The following PTCH2 variants were observed in gnomAD, a reference collection of about 807,000 sequenced individuals.
The protein encoded by PTCH2 is patched 2.
Under a neutral mutation model 117.9 loss-of-function variants are expected in PTCH2, and 96 were observed. That is an observed-to-expected ratio of 0.81 (90% CI 0.69 to 0.96). The LOEUF (loss-of-function observed/expected upper bound fraction) is 0.96. Ranked by LOEUF, PTCH2 falls within the 50% of genes least tolerant of loss-of-function variation. PTCH2 has a pLI of 0.00. For synonymous variants in PTCH2, 615 were observed against 660.9 expected, an observed-to-expected ratio of 0.93 and a Z score of 1.06; for missense variants, 1,379 against 1,562.5, an observed-to-expected ratio of 0.88 and a Z score of 1.98.
At chr1:44,839,527 G>A (rs1189765464) in intron 2 of PTCH2, among the ~76,000 whole-genome samples, 1 of 152,082 alleles carries the variant, frequency 6.6e-6, no homozygotes, top group Non-Finnish European at 1.5e-5. Flanking sequence ...AACTGCTGGG[G>A]TCTAGCCTAT....
At position 44,829,728 on chromosome 1, in the gene PTCH2, C is replaced by A; in HGVS notation, c.969G>T (p.Met323Ile). The change falls in exon 8 of 22, where the codon ATG (methionine) becomes ATT (isoleucine). Residue 323 changes from methionine (M) to isoleucine (I), a missense_variant. Transcript: ENST00000372192. ...AEALQSTFLL[M>I]SPRQLYEHFR... ...AATGCTCGTACAGCTGGCGGGGACT[C>A]ATCAGCAAGAAGGTGCTCTGCAGGG... is the stretch of plus-strand genomic sequence containing the variant. 1.2e-6 allele frequency: 2 copies of A among 1,614,242 alleles called. No homozygotes were observed. The highest frequency in any genetic ancestry group is 1.7e-6 in the Non-Finnish European group (2 of 1,180,050).
Position 44,829,231 on chromosome 1 carries a change from C to T in PTCH2, c.1297G>A (p.Val433Met), listed in dbSNP as rs559805545. The T allele has an allele frequency of 4.3e-6, 7 of 1,613,554 alleles. No individual in the cohort carries two copies. Among genetic ancestry groups the T allele is most frequent in the Middle Eastern group, 1.7e-4 (1 of 6,056 alleles). The change falls in exon 10 of 22, where the codon GTG (valine) becomes ATG (methionine). Residue 433 changes from valine (V) to methionine (M), a missense_variant. Val to Met is a conservative substitution (Grantham distance 21). Coordinates refer to ENST00000372192, the MANE Select transcript of PTCH2 (RefSeq NM_003738.5). The stretch of plus-strand genomic sequence containing the variant: ...AGGCCTGAGGCCACCGCCAGGGCCA[C>T]CAGCAGTACCCCGGCAAGGCCCACG... ...GSVGLAGVLL[V>M]ALAVASGLGL...
At position 44,841,928 on chromosome 1, in the gene PTCH2, C is replaced by T. The variant is rs751954698; in HGVS notation, c.184G>A (p.Gly62Arg). ...GCCAGGGCCCCAAAGGCCAACAGTC[C>T]CAGAAAGAGCACTTTGCCACAATGT... ...QRHCGKVLFL[G>R]LLAFGALALG... The change falls in exon 2 of 22, where the codon GGA becomes AGA. Residue 62 changes from glycine to arginine, a missense_variant. Gly to Arg is a moderately radical substitution (Grantham distance 125). Coordinates refer to ENST00000372192, the MANE Select transcript of PTCH2 (RefSeq NM_003738.5). The T allele has an allele frequency of 5.6e-6, 9 of 1,614,096 alleles. No individual in the cohort carries two copies. The African/African-American group carries it at 1.2e-4, about 22-fold the overall frequency.
chr1:44,825,849 T>TC (rs900761936), intron 19 of PTCH2, among the ~76,000 whole-genome samples: 7 of 149,500 alleles, frequency 4.7e-5, no homozygotes, highest in Non-Finnish European at 8.9e-5. Flanking sequence ...AAATTCTTTT[T>TC]TTTTTTTTTT....
chr1:44,821,880 A>G (rs1374965163), downstream of PTCH2: 1 of 1,365,776 alleles, frequency 7.3e-7, no homozygotes, highest in Non-Finnish European at 9.8e-7. Flanking sequence ...TCCAATAGCT[A>G]ATGTTCACTT....
At chr1:44,820,544 G>C, downstream of PTCH2, 1 of 676,916 alleles carries the variant, frequency 1.5e-6, no homozygotes, top group Non-Finnish European at 2.8e-6. Flanking sequence ...AGGGTGATAT[G>C]GGGTCACATC....
intron 2 of PTCH2, among the ~76,000 whole-genome samples, chr1:44,839,150 G>A (rs1327568251): frequency 1.3e-5 from 2 of 151,982 alleles, no homozygotes; most frequent in African/African-American, 2.4e-5. Flanking sequence ...CAAGGCGGGC[G>A]GATCACAAGG....
At chr1:44,839,356 ACT>A (rs1653831005) in intron 2 of PTCH2, among the ~76,000 whole-genome samples, 2 of 111,548 alleles carry the variant, frequency 1.8e-5, no homozygotes, top group Non-Finnish European at 3.4e-5. Context: ...AGCAAGACTT[ACT>A]CTCAAAAAAA....
Position 44,828,491 on chromosome 1 carries a change from TG to T in PTCH2, c.1590+14del, listed in dbSNP as rs765057203. The T allele has an allele frequency of 1.2e-6, 2 of 1,614,116 alleles. No individual in the cohort carries two copies. The highest frequency in any genetic ancestry group is 1.7e-6 in the Non-Finnish European group (2 of 1,180,006). On this transcript the variant is annotated intron_variant, in intron 12 of 21. Coordinates refer to ENST00000372192, the MANE Select transcript of PTCH2 (RefSeq NM_003738.5). The stretch of plus-strand genomic sequence containing the variant: ...CCCACACCCACCCTGAGCTGCCCCG[TG>T]TGAGAGGCCTCACCTGTAGGGAGAA...
At chr1:44,825,381 G>T (rs993224499) in intron 19 of PTCH2, among the ~76,000 whole-genome samples, 3 of 151,376 alleles carry the variant, frequency 2.0e-5, no homozygotes, top group African/African-American at 4.9e-5. Context: ...CAAGTGATGT[G>T]CCCACCTCGG....
rs1187821499 is a variant in PTCH2 at position 44,822,689 on chromosome 1, C to T, written c.3358-20G>A. 6.2e-7 allele frequency: 1 copy of T among 1,613,286 alleles called. No individual in the cohort carries two copies. Among genetic ancestry groups the T allele is most frequent in the South Asian group, 1.1e-5 (1 of 91,056 alleles). ...TATCACCTGTGGGGAGACACCAGCC[C>T]CAGTAAGCCCACGGGCCCCTGGGGC... On this transcript the variant is annotated intron_variant, in intron 21 of 21. Transcript: ENST00000372192.
rs1188673436 is a variant in PTCH2, at chr1:44,822,466, G to A, written c.3561C>T (p.Ala1187=). Residue 1187 remains alanine (A), a synonymous_variant, in exon 22 of 22, where the codon GCC becomes GCT. Coordinates refer to ENST00000372192, the MANE Select transcript of PTCH2 (RefSeq NM_003738.5). ...APDEPPWSPA[A]TSSGNLSSRG... The stretch of plus-strand genomic sequence containing the variant: ...TGGAACTGAGGTTGCCAGAGCTAGT[G>A]GCAGCAGGGGACCAAGGGGGCTCAT... 1.2e-6 allele frequency: 2 copies of A among 1,613,986 alleles called. No individual in the cohort carries two copies. Among genetic ancestry groups the A allele is most frequent in the Non-Finnish European group, 1.7e-6 (2 of 1,179,998 alleles).
intron 2 of PTCH2, among the ~76,000 whole-genome samples, chr1:44,838,595 T>C (rs1483056152): frequency 6.6e-6 from 1 of 152,174 alleles, no homozygotes; most frequent in African/African-American, 2.4e-5. Context: ...ACTTTACAGT[T>C]GGCCAGGAAA....
rs144561012 is a variant in PTCH2, at chr1:44,826,661, C to A, written c.2803G>T (p.Ala935Ser). 6.2e-7 allele frequency: 1 copy of A among 1,611,320 alleles called. No individual in the cohort carries two copies. The stretch of plus-strand genomic sequence containing the variant: ...TGCACCCCAGCCTGGCCGGCCTCTG[C>A]GCATGCTGCCCGGGCCCCCTCGATG... ...EAIEGARAAC[A>S]EAGQAGVHAY... is the part of the protein sequence containing the mutation. The change falls in exon 18 of 22, where the codon GCA (alanine) becomes TCA (serine). Residue 935 changes from alanine to serine, a missense_variant. By Grantham distance (99) the Ala-to-Ser change is moderately conservative (BLOSUM62 1). Coordinates refer to ENST00000372192, the MANE Select transcript of PTCH2 (RefSeq NM_003738.5). The surrounding 1 kb of genome is among the most constrained non-coding windows in gnomAD (Gnocchi z 5.1).
Position 44,832,174 on chromosome 1 carries a change from C to T in PTCH2, c.433G>A (p.Val145Ile), listed in dbSNP as rs1653486548. 1 of 1,614,146 alleles carries T rather than the reference C, an allele frequency of 6.2e-7. No individual in the cohort carries two copies. The highest frequency in any genetic ancestry group is 1.1e-5 in the South Asian group (1 of 91,082). ...HLQAALTASK[V>I]QVSLYGKSWD... ...CACTTCCCATAGAGTGATACTTGGA[C>T]TTTACTGGCAGTGAGGGCTGCCTGG... The change falls in exon 3 of 22, where the codon GTC becomes ATC. Residue 145 changes from valine (V) to isoleucine (I), a missense_variant. Physicochemically the swap from Val to Ile is conservative, Grantham distance 29. Coordinates refer to ENST00000372192, the MANE Select transcript of PTCH2 (RefSeq NM_003738.5).
In PTCH2 at chr1:44,828,342, G is replaced by A. The variant is rs369481564; in HGVS notation, c.1663C>T (p.Arg555Trp). Residue 555 changes from arginine to tryptophan, a missense_variant, in exon 13 of 22, where the codon CGG (arginine) becomes TGG (tryptophan). Coordinates refer to ENST00000372192, the MANE Select transcript of PTCH2 (RefSeq NM_003738.5). ...VFPAILSLDLRRRHCQRLDVL... is the reference protein window; with the variant it reads ...VFPAILSLDLWRRHCQRLDVL... ...TCAAGGCGCTGGCAGTGGCGCCGCC[G>A]TAGGTCCAGGCTGAGGATGGCTGGG... is the stretch of plus-strand genomic sequence containing the variant. The A allele has an allele frequency of 9.9e-6, 16 of 1,614,126 alleles. No homozygotes were observed. The highest frequency in any genetic ancestry group is 6.6e-5 in the South Asian group (6 of 91,088).
intron 2 of PTCH2, among the ~76,000 whole-genome samples, chr1:44,836,359 C>T (rs945061140): frequency 1.3e-5 from 2 of 152,136 alleles, no homozygotes; most frequent in Admixed American, 6.6e-5. Flanking sequence ...TGCCTGTAAC[C>T]CCAGCACTTC....
rs1444943978 is a variant in PTCH2 at position 44,827,488 on chromosome 1, C to T, written c.2285G>A (p.Arg762His). ...CAGCACCGCCTTGAGGGAACTGAAG[C>T]GCTGGTGCAGATCAAAGAGGGCGCG... ...SQRALFDLHQ[R>H]FSSLKAVLPP... The change falls in exon 15 of 22, where the codon CGC (arginine) becomes CAC (histidine). Residue 762 changes from arginine to histidine, a missense_variant. Coordinates refer to ENST00000372192, the MANE Select transcript of PTCH2 (RefSeq NM_003738.5). 8 of 1,613,968 alleles carry T rather than the reference C, an allele frequency of 5.0e-6. No homozygotes were observed. Among genetic ancestry groups the T allele is most frequent in the Non-Finnish European group, 5.9e-6 (7 of 1,179,918 alleles).
At chr1:44,841,451 C>T (rs889060271) in intron 2 of PTCH2, among the ~76,000 whole-genome samples, 7 of 152,316 alleles carry the variant, frequency 4.6e-5, no homozygotes, top group South Asian at 2.1e-4. Flanking sequence ...CTATCTTATA[C>T]CACATAATCA....
Sources: gnomAD v4.1 joint callset for allele counts (sites outside exome capture counted in the v4.1 genomes callset) on GRCh38, gnomAD v4.1.1 for gene constraint, Gnocchi (gnomAD v3.1) non-coding constraint, MANE v1.5 for transcripts, NCBI Gene and HGNC (gene_info 2026-07-23, HGNC 2026-07-21) for gene names.